KALRN: variants seen among roughly 807,000 people sequenced by gnomAD.
KALRN encodes the protein kalirin.
A neutral mutation model predicts 353.7 loss-of-function variants in KALRN; 70 were observed. That is an observed-to-expected ratio of 0.20 (90% CI 0.16 to 0.24). The LOEUF is 0.24. Ranked by LOEUF, KALRN falls within the 10% of genes least tolerant of loss-of-function variation. The probability of loss-of-function intolerance (pLI) is 1.00; values close to 1 mark genes in which losing one functional copy is unlikely to be tolerated. For synonymous variants in KALRN, 1,391 were observed against 1,434.8 expected (o/e 0.97, Z 0.69); for missense variants, 2,791 against 3,756.7 (o/e 0.74, Z 6.72).
chr3:124,270,238 C>G (rs911993164), intron 5 of KALRN, among the ~76,000 whole-genome samples: 2 of 152,190 alleles, frequency 1.3e-5, no homozygotes, highest in Non-Finnish European at 2.9e-5. Flanking sequence ...CATGACATCT[C>G]TCAGTAACCT....
At chr3:124,378,354 C>A (rs1560737974) in intron 10 of KALRN, among the ~76,000 whole-genome samples, 1 of 152,028 alleles carries the variant, frequency 6.6e-6, no homozygotes, top group Non-Finnish European at 1.5e-5. Flanking sequence ...GTGCTGTTGT[C>A]ATATACCTTA....
In KALRN at chr3:124,380,532, C is replaced by T. The variant is rs533283543; in HGVS notation, c.1771-4313C>T. On this transcript the variant is annotated intron_variant, in intron 10 of 59. Transcript: ENST00000682506. ...CAGCTGAGGGATCTATACACCAGCA[C>T]TCATAACCCATTTTTGGCATATCTG... 6.9e-4 allele frequency among the ~76,000 whole-genome samples: 105 copies of T among 152,278 alleles called. 1 individual carries two copies. The highest frequency in any genetic ancestry group is 2.4e-3 in the African/African-American group (100 of 41,574).
At chr3:124,525,883 T>C (rs972302430) in intron 33 of KALRN, among the ~76,000 whole-genome samples, 6 of 151,660 alleles carry the variant, frequency 4.0e-5, no homozygotes, top group African/African-American at 1.5e-4. Flanking sequence ...CAAAGCCACA[T>C]AGGCAGGCTT....
intron 1 of KALRN, among the ~76,000 whole-genome samples, chr3:124,092,972 A>G (rs761747049): frequency 1.4e-4 from 21 of 152,166 alleles, no homozygotes; most frequent in Non-Finnish European, 3.1e-4. Flanking sequence ...TACACACTGG[A>G]GTCTTGTCCA....
chr3:124,414,117 G>A (rs1049183746), intron 14 of KALRN, among the ~76,000 whole-genome samples: 9 of 151,934 alleles, frequency 5.9e-5, no homozygotes, highest in Admixed American at 3.3e-4. Context: ...GAAAAGAAAC[G>A]GAAGCCATGA....
chr3:124,199,304 C>A (rs995035009), intron 1 of KALRN, among the ~76,000 whole-genome samples: 1 of 152,180 alleles, frequency 6.6e-6, no homozygotes, highest in Non-Finnish European at 1.5e-5. Flanking sequence ...CACTCCACAC[C>A]ACCCCAGAAA....
chr3:124,055,328 G>C (rs1464591651), intron 1 of KALRN, among the ~76,000 whole-genome samples: 1 of 152,142 alleles, frequency 6.6e-6, no homozygotes, highest in Non-Finnish European at 1.5e-5. Context: ...TCTGCCAACT[G>C]TTAGAGAGAA....
intron 13 of KALRN, among the ~76,000 whole-genome samples, chr3:124,407,032 C>T (rs779795607): frequency 6.6e-6 from 1 of 151,920 alleles, no homozygotes; most frequent in Non-Finnish European, 1.5e-5. Flanking sequence ...TGGGGTTTCA[C>T]CATGCTTGCC....
At position 124,527,600 on chromosome 3, in the gene KALRN, T is replaced by TA. The variant is rs34131345; in HGVS notation, c.4935+31200dup. On this transcript the variant is annotated intron_variant, in intron 33 of 59. Transcript: ENST00000682506. Reference sequence around the variant, plus strand: ...GCCTGGGCGACAGAGCAAGACTGTTTAAAAAAAAAAAAAGAAGAAGAAGAA... The same window carrying TA: ...GCCTGGGCGACAGAGCAAGACTGTTTAAAAAAAAAAAAAAGAAGAAGAAGAA... 4.9e-3 allele frequency among the ~76,000 whole-genome samples: 698 copies of TA among 142,088 alleles called. 5 individuals carry two copies. Among genetic ancestry groups the TA allele is most frequent in the African/African-American group, 0.015 (578 of 38,632 alleles). 93.2% of individuals were successfully genotyped at this position (142,088 alleles called of 152,430 possible). A position where few individuals can be genotyped will look rare whatever the true frequency, so the allele number is the denominator to read the frequency against.
At chr3:124,514,215 G>A (rs2066280066) in intron 33 of KALRN, among the ~76,000 whole-genome samples, 1 of 152,172 alleles carries the variant, frequency 6.6e-6, no homozygotes, top group Non-Finnish European at 1.5e-5. Flanking sequence ...TTTAAAACCA[G>A]TTAATATAGT....
chr3:124,481,354 G>A lies in KALRN; in HGVS notation c.4192-1454G>A, dbSNP rs184308810. Among the ~76,000 whole-genome samples, 31 of 152,062 alleles carry A rather than the reference G, an allele frequency of 2.0e-4. No homozygotes were observed. In the East Asian group the frequency reaches 4.5e-3, roughly 22 times the overall value. ...CCCAAGTAGCTGGGACTACAGGCAC[G>A]TGCCACCATACCCAGCTAATTTTTG... On this transcript the variant is annotated intron_variant, in intron 27 of 59. Coordinates refer to ENST00000682506, the MANE Select transcript of KALRN (RefSeq NM_001388419.1).
chr3:124,082,267 A>G (rs1559917620), intron 1 of KALRN: 1 of 471,162 alleles, frequency 2.1e-6, no homozygotes, highest in Admixed American at 2.3e-5. Context: ...ACTAGTATGG[A>G]AAACATAACC....
At chr3:124,103,326 C>T (rs1297883941) in intron 1 of KALRN, among the ~76,000 whole-genome samples, 1 of 152,122 alleles carries the variant, frequency 6.6e-6, no homozygotes, top group Non-Finnish European at 1.5e-5. Context: ...AACAGTAAAG[C>T]AGCACTTGCC....
chr3:124,293,897 T>C (rs915654480), intron 5 of KALRN, among the ~76,000 whole-genome samples: 2 of 152,186 alleles, frequency 1.3e-5, no homozygotes, highest in African/African-American at 4.8e-5. Context: ...ATCTGGAGAC[T>C]AGCAACCGAA....
At chr3:124,345,686 A>G (rs954788937) in intron 9 of KALRN, among the ~76,000 whole-genome samples, 1 of 152,150 alleles carries the variant, frequency 6.6e-6, no homozygotes, top group Non-Finnish European at 1.5e-5. Flanking sequence ...ATGATGGACA[A>G]TTACTCCGCC....
At chr3:124,403,844 A>C (rs957772899) in intron 13 of KALRN, among the ~76,000 whole-genome samples, 29 of 152,356 alleles carry the variant, frequency 1.9e-4, no homozygotes, top group Admixed American at 1.6e-3. Context: ...ACAGAGAATC[A>C]TCATACAATT....
At chr3:124,522,837 A>C (rs1435455781) in intron 33 of KALRN, among the ~76,000 whole-genome samples, 3 of 152,208 alleles carry the variant, frequency 2.0e-5, no homozygotes, top group Admixed American at 2.0e-4. Context: ...GATGTTATCA[A>C]AGTAGTTATC....
At chr3:124,053,289 A>G (rs530052817) in intron 1 of KALRN, among the ~76,000 whole-genome samples, 1 of 152,230 alleles carries the variant, frequency 6.6e-6, no homozygotes, top group Non-Finnish European at 1.5e-5. Flanking sequence ...AGAAGGGATA[A>G]TATGGCATTG....
chr3:124,523,601 T>C (rs917828662), intron 33 of KALRN, among the ~76,000 whole-genome samples: 1 of 152,260 alleles, frequency 6.6e-6, no homozygotes. Context: ...AATTGAAAGT[T>C]TTCTGTTTCA....
Sources: allele counts gnomAD v4.1 joint callset (sites outside exome capture counted in the v4.1 genomes callset), GRCh38; gene constraint gnomAD v4.1.1; transcripts MANE v1.5; gene names NCBI Gene and HGNC (gene_info 2026-07-23, HGNC 2026-07-21).